KHDRBS2: variants seen among roughly 807,000 people sequenced by gnomAD.
KHDRBS2 encodes the protein KH domain-containing, RNA-binding, signal transduction-associated protein 2.
In KHDRBS2, 26 loss-of-function variants were observed where a neutral mutation model predicts 44.3. The observed-to-expected ratio is 0.59, with a 90% confidence interval of 0.43 to 0.81. KHDRBS2 has a LOEUF of 0.81. Ranked by LOEUF, KHDRBS2 falls within the 40% of genes least tolerant of loss-of-function variation. The pLI is 0.00. For missense variants in KHDRBS2, 476 were observed against 433.1 expected, an observed-to-expected ratio of 1.10 and a Z score of -0.88; for synonymous variants, 194 against 151.1, an observed-to-expected ratio of 1.28 and a Z score of -2.08.
At chr6:61,761,885 A>G (rs1014661141) in intron 6 of KHDRBS2, among the ~76,000 whole-genome samples, 2 of 152,198 alleles carry the variant, frequency 1.3e-5, no homozygotes, top group Non-Finnish European at 2.9e-5. Context: ...TCAGGTTTAA[A>G]AAATCATTTT....
At chr6:61,685,605 T>A (rs1315163794) in intron 8 of KHDRBS2, among the ~76,000 whole-genome samples, 1 of 151,842 alleles carries the variant, frequency 6.6e-6, no homozygotes, top group Non-Finnish European at 1.5e-5. Context: ...ACAGACTGCC[T>A]AGAGTGCATC....
intron 2 of KHDRBS2, among the ~76,000 whole-genome samples, chr6:62,054,687 T>C (rs1264170608): frequency 2.0e-5 from 3 of 151,998 alleles, no homozygotes; most frequent in Non-Finnish European, 4.4e-5. Context: ...AGCCAAAGAA[T>C]GAAGGCAGCT....
the KHDRBS2 span, among the ~76,000 whole-genome samples, chr6:61,581,216 A>G: frequency 1.3e-5 from 2 of 151,892 alleles, no homozygotes; most frequent in Non-Finnish European, 2.9e-5. Flanking sequence ...ATTGCCATGC[A>G]AATGTGCATG....
chr6:61,820,487 T>C (rs184591574), intron 6 of KHDRBS2, among the ~76,000 whole-genome samples: 9 of 152,078 alleles, frequency 5.9e-5, no homozygotes, highest in African/African-American at 2.2e-4. Flanking sequence ...GGCCTGAGGT[T>C]ATAGAACAGA....
chr6:61,978,421 A>T (rs1350791253), intron 3 of KHDRBS2, among the ~76,000 whole-genome samples: 1 of 152,076 alleles, frequency 6.6e-6, no homozygotes, highest in African/African-American at 2.4e-5. Context: ...AATGATTTTA[A>T]AAACCGGCAT....
chr6:61,606,051 TC>T, the KHDRBS2 span, among the ~76,000 whole-genome samples: 3 of 152,058 alleles, frequency 2.0e-5, no homozygotes. Context: ...GCTCAAAAGC[TC>T]CCTGACTGAG....
chr6:62,199,633 C>T (rs538583448), intron 1 of KHDRBS2, among the ~76,000 whole-genome samples: 341 of 152,174 alleles, frequency 2.2e-3, no homozygotes, highest in African/African-American at 7.8e-3. Flanking sequence ...TAGGAAGACT[C>T]AATATCGTGA....
At position 62,083,216 on chromosome 6, in the gene KHDRBS2, C is replaced by T. The variant is rs115080284; in HGVS notation, c.220-35222G>A. 1.9e-3 allele frequency among the ~76,000 whole-genome samples: 296 copies of T among 152,154 alleles called. 3 individuals carry two copies. The highest frequency in any genetic ancestry group is 6.9e-3 in the African/African-American group (286 of 41,544). On this transcript the variant is annotated intron_variant, in intron 2 of 8. Transcript: ENST00000281156. ...GCAGAGAAGGAGAGAAGAGAAGAAC[C>T]AGCTTAACATCGGTGAGAAGCAGCT...
At chr6:61,960,755 G>C (rs2127393052) in intron 4 of KHDRBS2, among the ~76,000 whole-genome samples, 1 of 152,130 alleles carries the variant, frequency 6.6e-6, no homozygotes, top group Non-Finnish European at 1.5e-5. Flanking sequence ...ATTTATTTTT[G>C]ATAGACATTA....
rs201537231 is a variant in KHDRBS2 at position 61,835,426 on chromosome 6, G to A, written c.810+59209C>T. ...CTGGATACAGCTCATCAATCATAGCGTTTCATTTCTTTCTTCCATAGTACA... is the reference window on the plus strand; with the variant it reads ...CTGGATACAGCTCATCAATCATAGCATTTCATTTCTTTCTTCCATAGTACA... On this transcript the variant is annotated intron_variant, in intron 6 of 8. Transcript: ENST00000281156. 4.7e-4 allele frequency among the ~76,000 whole-genome samples: 71 copies of A among 152,072 alleles called. No individual in the cohort carries two copies. The East Asian group carries it at 0.011, about 24-fold the overall frequency.
intron 1 of KHDRBS2, among the ~76,000 whole-genome samples, chr6:62,202,754 C>T (rs1466538658): frequency 6.6e-6 from 1 of 152,006 alleles, no homozygotes; most frequent in Non-Finnish European, 1.5e-5. Flanking sequence ...GTACATGGTT[C>T]TGTGAGAGTT....
intron 3 of KHDRBS2, among the ~76,000 whole-genome samples, chr6:62,009,913 CACTGCAGA>C: frequency 6.6e-6 from 1 of 152,176 alleles, no homozygotes; most frequent in African/African-American, 2.4e-5. Context: ...TCTGCTAGGG[CACTGCAGA>C]AGGGAAGCGT....
At chr6:62,162,811 C>A (rs1817918357) in intron 2 of KHDRBS2, among the ~76,000 whole-genome samples, 1 of 151,912 alleles carries the variant, frequency 6.6e-6, no homozygotes, top group South Asian at 2.1e-4. Context: ...ATAGAATGTG[C>A]AGGAGAAAGA....
intron 6 of KHDRBS2, among the ~76,000 whole-genome samples, chr6:61,875,079 T>A (rs1799222223): frequency 6.6e-6 from 1 of 151,802 alleles, no homozygotes; most frequent in South Asian, 2.1e-4. Context: ...CTTTTTAAGG[T>A]GTTAGCTAAG....
At chr6:62,066,467 C>A (rs371519747) in intron 2 of KHDRBS2, among the ~76,000 whole-genome samples, 1 of 151,598 alleles carries the variant, frequency 6.6e-6, no homozygotes, top group East Asian at 2.0e-4. Context: ...TTTAAATGAG[C>A]CATAATGGAG....
chr6:62,026,687 G>A (rs1429170556), intron 3 of KHDRBS2, among the ~76,000 whole-genome samples: 3 of 151,374 alleles, frequency 2.0e-5, no homozygotes, highest in Non-Finnish European at 4.4e-5. Flanking sequence ...TTAAATTATT[G>A]GGATTAAGGT....
intron 7 of KHDRBS2, among the ~76,000 whole-genome samples, chr6:61,730,802 A>G (rs542890548): frequency 6.6e-6 from 1 of 151,956 alleles, no homozygotes; most frequent in African/African-American, 2.4e-5. Context: ...TTCTAAAATT[A>G]TTGTATACAG....
At chr6:62,121,176 GA>G (rs1807542308) in intron 2 of KHDRBS2, among the ~76,000 whole-genome samples, 1 of 152,204 alleles carries the variant, frequency 6.6e-6, no homozygotes, top group South Asian at 2.1e-4. Flanking sequence ...GCAGCTGGCA[GA>G]ATCCCCACAT....
At chr6:62,048,394 A>G (rs748526600) in intron 2 of KHDRBS2, among the ~76,000 whole-genome samples, 19 of 151,890 alleles carry the variant, frequency 1.3e-4, no homozygotes, top group Non-Finnish European at 1.9e-4. Flanking sequence ...AAGTCTATGA[A>G]CCTTCAAAAT....
Sources: allele counts gnomAD v4.1 joint callset (sites outside exome capture counted in the v4.1 genomes callset), GRCh38; gene constraint gnomAD v4.1.1; transcripts MANE v1.5; gene names NCBI Gene and HGNC (gene_info 2026-07-23, HGNC 2026-07-21).